SLC25A12: variants seen among roughly 807,000 people sequenced by gnomAD.
The protein encoded by SLC25A12 is electrogenic aspartate/glutamate antiporter SLC25A12, mitochondrial.
A neutral mutation model predicts 83.3 loss-of-function variants in SLC25A12; 32 were observed. The observed-to-expected ratio is 0.38, with a 90% CI of 0.29 to 0.52. The LOEUF (loss-of-function observed/expected upper bound fraction) is 0.52. SLC25A12 is among the 20% of genes least tolerant of loss of function. The probability of loss-of-function intolerance (pLI) is 0.84; values close to 1 mark genes in which losing one functional copy is unlikely to be tolerated. For synonymous variants in SLC25A12, 267 were observed against 291.1 expected (o/e 0.92, Z 0.84); for missense variants, 611 against 835.6 (o/e 0.73, Z 3.31).
At chr2:171,823,363 A>G (rs1281456659) in intron 9 of SLC25A12, among the ~76,000 whole-genome samples, 1 of 152,234 alleles carries the variant, frequency 6.6e-6, no homozygotes, top group African/African-American at 2.4e-5. Context: ...TCAGAAATAC[A>G]TGAAGATACT....
chr2:171,800,517 T>G (rs1393427879), intron 13 of SLC25A12, among the ~76,000 whole-genome samples: 1 of 152,200 alleles, frequency 6.6e-6, no homozygotes, highest in East Asian at 1.9e-4. Context: ...CTGGAATACT[T>G]GTACACTGCT....
intron 3 of SLC25A12, 72 bp downstream of exon 3, chr2:171,868,609 C>G: frequency 1.3e-6 from 2 of 1,487,948 alleles, no homozygotes; most frequent in Admixed American, 3.3e-5. Context: ...CCACTGTGCC[C>G]AGCTGGTTTT....
At chr2:171,841,914 A>C (rs1238026350) in intron 5 of SLC25A12, among the ~76,000 whole-genome samples, 2 of 152,204 alleles carry the variant, frequency 1.3e-5, no homozygotes. Context: ...TCTGGCCCTG[A>C]AGCAGGTGAG....
chr2:171,809,539 ATT>A, intron 13 of SLC25A12, 65 bp downstream of exon 13: 1 of 1,161,998 alleles, frequency 8.6e-7, no homozygotes, highest in South Asian at 1.2e-5. Context: ...TAAGATATCT[ATT>A]ATATCTGTGC....
At chr2:171,873,298 A>C (rs1443803015) in intron 2 of SLC25A12, among the ~76,000 whole-genome samples, 1 of 151,972 alleles carries the variant, frequency 6.6e-6, no homozygotes, top group Non-Finnish European at 1.5e-5. Context: ...AATACAAAAA[A>C]TTAGCTAGGT....
chr2:171,829,801 T>C (rs1371331820), intron 8 of SLC25A12, among the ~76,000 whole-genome samples: 1 of 152,224 alleles, frequency 6.6e-6, no homozygotes, highest in Non-Finnish European at 1.5e-5. Context: ...GAATGAATCT[T>C]TGAGGCCACT....
At chr2:171,873,493 T>C in intron 2 of SLC25A12, among the ~76,000 whole-genome samples, 1 of 152,166 alleles carries the variant, frequency 6.6e-6, no homozygotes, top group Non-Finnish European at 1.5e-5. Context: ...GCTTGAGGCC[T>C]GAACCAACAC....
chr2:171,824,827 CAG>C (rs1329970248), intron 9 of SLC25A12, among the ~76,000 whole-genome samples: 1 of 150,610 alleles, frequency 6.6e-6, no homozygotes, highest in Non-Finnish European at 1.5e-5. Flanking sequence ...TTTTTTAAGA[CAG>C]AGTCTCACTC....
intron 4 of SLC25A12, among the ~76,000 whole-genome samples, chr2:171,850,993 A>T (rs991305638): frequency 7.2e-5 from 11 of 152,218 alleles, no homozygotes; most frequent in African/African-American, 2.4e-4. Flanking sequence ...ACTACATTTA[A>T]AGGAATCTCT....
intron 3 of SLC25A12, among the ~76,000 whole-genome samples, chr2:171,860,657 T>G (rs12619137): frequency 0.77 from 117,133 of 151,880 alleles, 46,226 homozygotes; most frequent in East Asian, 0.89. Context: ...GTAAATAATG[T>G]GCATGCTAAA....
chr2:171,813,323 G>A lies in SLC25A12; in HGVS notation c.1171+16C>T. On this transcript the variant is annotated intron_variant, in intron 11 of 17. Transcript: ENST00000422440. ...ATCAAATCACTAACTTCAGCAGCTG[G>A]GATTTGCTTACTCACCCCTGTAGAG... The A allele has an allele frequency of 6.2e-7, 1 of 1,613,630 alleles. No individual in the cohort carries two copies. The highest frequency in any genetic ancestry group is 8.5e-7 in the Non-Finnish European group (1 of 1,179,708).
chr2:171,809,789 T>C (rs1478365080), intron 12 of SLC25A12, 103 bp from the exon 13 acceptor site: 3 of 856,328 alleles, frequency 3.5e-6, no homozygotes, highest in Non-Finnish European at 4.0e-6. Flanking sequence ...TATGATAAAA[T>C]TTAAAATTAT....
At chr2:171,885,057 C>CA (rs1247049658) in intron 2 of SLC25A12, among the ~76,000 whole-genome samples, 1 of 150,776 alleles carries the variant, frequency 6.6e-6, no homozygotes, top group Non-Finnish European at 1.5e-5. Context: ...ACTAAAAATA[C>CA]AAAAAATTAG....
intron 13 of SLC25A12, among the ~76,000 whole-genome samples, chr2:171,797,418 C>G (rs1482724994): frequency 1.3e-5 from 2 of 152,128 alleles, no homozygotes; most frequent in Non-Finnish European, 2.9e-5. Flanking sequence ...TTTCTCAAAA[C>G]CCAAGTGGCT....
chr2:171,839,296 C>T (rs1328126169), intron 5 of SLC25A12, among the ~76,000 whole-genome samples: 1 of 152,128 alleles, frequency 6.6e-6, no homozygotes, highest in African/African-American at 2.4e-5. Flanking sequence ...AATACCCACA[C>T]CTAAAGCCCA....
chr2:171,791,813 G>A (rs891018615), intron 14 of SLC25A12, among the ~76,000 whole-genome samples: 5 of 152,094 alleles, frequency 3.3e-5, no homozygotes, highest in South Asian at 4.1e-4. Context: ...GTGAAAGCAT[G>A]GTGAATCCTG....
intron 2 of SLC25A12, among the ~76,000 whole-genome samples, chr2:171,877,811 CCAAA>C (rs1685606313): frequency 6.6e-6 from 1 of 151,856 alleles, no homozygotes; most frequent in African/African-American, 2.4e-5. Context: ...AGCATAAAGC[CCAAA>C]CACTCTAAAT....
At chr2:171,884,410 C>T (rs1330925593) in intron 2 of SLC25A12, among the ~76,000 whole-genome samples, 6 of 148,490 alleles carry the variant, frequency 4.0e-5, no homozygotes, top group Non-Finnish European at 7.4e-5. Flanking sequence ...AGGCTGGTCT[C>T]GAACTCCTGA....
At chr2:171,880,339 G>C (rs1420095154) in intron 2 of SLC25A12, among the ~76,000 whole-genome samples, 1 of 152,114 alleles carries the variant, frequency 6.6e-6, no homozygotes, top group African/African-American at 2.4e-5. Flanking sequence ...CTGGAGTGCA[G>C]TGGCGTGACC....
Sources: gnomAD v4.1 joint callset for allele counts (sites outside exome capture counted in the v4.1 genomes callset) on GRCh38, gnomAD v4.1.1 for gene constraint, MANE v1.5 for transcripts, NCBI Gene and HGNC (gene_info 2026-07-23, HGNC 2026-07-21) for gene names.